FAM186A: variants seen among roughly 807,000 people sequenced by gnomAD.
FAM186A encodes the protein family with sequence similarity 186 member A.
In FAM186A, 163 loss-of-function variants were observed where a neutral mutation model predicts 216.8. The observed-to-expected ratio is 0.75, with a 90% CI of 0.66 to 0.86. The LOEUF (loss-of-function observed/expected upper bound fraction) is 0.86, where lower values mean the gene tolerates loss of function less well. Ranked by LOEUF, FAM186A falls within the 40% of genes least tolerant of loss-of-function variation. The pLI, the probability that FAM186A is intolerant of heterozygous loss-of-function variation, is 0.00. For synonymous variants in FAM186A, 805 were observed against 1,025.3 expected, an observed-to-expected ratio of 0.79 and a Z score of 4.10; for missense variants, 2,184 against 2,746.2, an observed-to-expected ratio of 0.80 and a Z score of 4.58.
chr12:50,366,100 T>C (rs760755825), intron 1 of FAM186A: 10 of 664,552 alleles, frequency 1.5e-5, no homozygotes, highest in Non-Finnish European at 2.4e-5. Context: ...AGTAATCTTA[T>C]ATACGAGCTT....
intron 7 of FAM186A, 95 bp from the exon 8 acceptor site, chr12:50,327,499 C>T (rs1212530032): frequency 1.2e-6 from 1 of 861,112 alleles, no homozygotes; most frequent in East Asian, 2.7e-5. Flanking sequence ...AAAGTGCCTC[C>T]AGAACTCAAA....
chr12:50,353,732 T>G lies in FAM186A; in HGVS notation c.3100A>C (p.Lys1034Gln). ...YEGKEFQRNL[K>Q]TLENLPDEKE... is the part of the protein sequence containing the mutation. ...TCATCAGGAAGGTTCTCTAATGTCT[T>G]CAGATTCCTCTGAAACTCTTTTCCT... Residue 1034 changes from lysine (K) to glutamine (Q), a missense_variant, in exon 4 of 8, where the codon AAG becomes CAG. Lys to Gln is a moderately conservative substitution (Grantham distance 53). Coordinates refer to ENST00000327337, the MANE Select transcript of FAM186A (RefSeq NM_001145475.3). 2 of 1,549,712 alleles carry G rather than the reference T, an allele frequency of 1.3e-6. No individual in the cohort carries two copies. The highest frequency in any genetic ancestry group is 2.7e-5 in the African/African-American group (2 of 72,910).
intron 4 of FAM186A, among the ~76,000 whole-genome samples, chr12:50,345,478 G>A (rs1373284892): frequency 2.6e-5 from 4 of 152,130 alleles, no homozygotes; most frequent in Admixed American, 6.6e-5. Flanking sequence ...TGTATAGTTT[G>A]AGGTCTTACA....
intron 1 of FAM186A, among the ~76,000 whole-genome samples, chr12:50,364,759 C>G (rs926865564): frequency 4.6e-5 from 7 of 150,736 alleles, no homozygotes; most frequent in African/African-American, 1.2e-4. Flanking sequence ...TTTTTTTGGC[C>G]AGGCATGGTG....
chr12:50,336,360 G>A (rs886449393), intron 4 of FAM186A, among the ~76,000 whole-genome samples: 1 of 152,052 alleles, frequency 6.6e-6, no homozygotes, highest in Non-Finnish European at 1.5e-5. Context: ...ATTGATAAAT[G>A]GTAGATTTGG....
At chr12:50,387,191 A>G (rs1239222141) in intron 1 of FAM186A, among the ~76,000 whole-genome samples, 1 of 152,194 alleles carries the variant, frequency 6.6e-6, no homozygotes, top group Non-Finnish European at 1.5e-5. Flanking sequence ...CTCAGACACC[A>G]GTCACAAATC....
chr12:50,371,396 C>A (rs578239439), intron 1 of FAM186A, among the ~76,000 whole-genome samples: 1 of 152,118 alleles, frequency 6.6e-6, no homozygotes, highest in South Asian at 2.1e-4. Context: ...GGATTACAGG[C>A]GTGAGCCACC....
chr12:50,327,540 C>CTTTTTTT (rs781530836), intron 7 of FAM186A, 136 bp from the exon 8 acceptor site: 1 of 419,438 alleles, frequency 2.4e-6, no homozygotes, highest in African/African-American at 2.3e-5. Flanking sequence ...GTATGTAATC[C>CTTTTTTT]TTTTTTTTTT....
At chr12:50,388,533 C>A (rs540390297) in intron 1 of FAM186A, among the ~76,000 whole-genome samples, 8 of 151,442 alleles carry the variant, frequency 5.3e-5, no homozygotes, top group African/African-American at 1.7e-4. Context: ...GCAGGAGAAT[C>A]GCTTGAACCT....
Position 50,356,690 on chromosome 12 carries a change from G to T in FAM186A, c.584-442C>A, listed in dbSNP as rs193248057. Among the ~76,000 whole-genome samples, 3 of 152,242 alleles carry T rather than the reference G, an allele frequency of 2.0e-5. No individual in the cohort carries two copies. In the East Asian group the frequency reaches 5.8e-4, roughly 29 times the overall value. ...AACTTAATTTTAGTTACAAGTTTGG[G>T]GTTAGATATAATGTATCTAAGACAA... On this transcript the variant is annotated intron_variant, in intron 3 of 7. Transcript: ENST00000327337.
chr12:50,337,668 C>T (rs59201717), intron 4 of FAM186A, among the ~76,000 whole-genome samples: 20 of 151,690 alleles, frequency 1.3e-4, no homozygotes, highest in South Asian at 4.2e-4. Flanking sequence ...GAGGCTGAGG[C>T]GGGCGGATCA....
intron 1 of FAM186A, among the ~76,000 whole-genome samples, chr12:50,380,876 G>C (rs1047002650): frequency 6.6e-6 from 1 of 152,208 alleles, no homozygotes; most frequent in East Asian, 1.9e-4. Flanking sequence ...CCAAGGGTGA[G>C]CCAGGCATGG....
At chr12:50,377,481 C>CTTAT (rs58320549) in intron 1 of FAM186A, among the ~76,000 whole-genome samples, 4 of 151,826 alleles carry the variant, frequency 2.6e-5, no homozygotes, top group Non-Finnish European at 4.4e-5. Context: ...GGAGAAAATA[C>CTTAT]GAACTTGGGT....
rs1229490934 is a variant in FAM186A at position 50,351,363 on chromosome 12, C to T, written c.5469G>A (p.Gly1823=). 1 of 1,479,548 alleles carries T rather than the reference C, an allele frequency of 6.8e-7. No individual in the cohort carries two copies. The highest frequency in any genetic ancestry group is 1.4e-5 in the African/African-American group (1 of 70,364). The allele number at this position is 1,479,548 out of a possible 1,614,324, so 91.7% of individuals were successfully genotyped here. ...GAGGGGCCCGAGATATTGGGAGCTG[C>T]CCAGGGGAGGGAGGGGCCTGTGGTG... is the stretch of plus-strand genomic sequence containing the variant. The part of the protein sequence containing the change: ...FPAPQAPPSP[G]QLPISRAPPT... The change falls in exon 4 of 8, where the codon GGG becomes GGA. Residue 1823 remains glycine (G), a synonymous_variant. Transcript: ENST00000327337.
chr12:50,358,269 A>C (rs1282355304), intron 3 of FAM186A, among the ~76,000 whole-genome samples: 1 of 152,164 alleles, frequency 6.6e-6, no homozygotes, highest in Non-Finnish European at 1.5e-5. Context: ...AATATTTGCA[A>C]ATCACTTTTC....
intron 1 of FAM186A, among the ~76,000 whole-genome samples, chr12:50,393,871 T>C (rs1943387106): frequency 6.6e-6 from 1 of 152,126 alleles, no homozygotes; most frequent in Non-Finnish European, 1.5e-5. Flanking sequence ...TTGCCAGAAG[T>C]TGGAACAGGA....
At chr12:50,369,424 G>A (rs1378803502) in intron 1 of FAM186A, among the ~76,000 whole-genome samples, 1 of 147,816 alleles carries the variant, frequency 6.8e-6, no homozygotes, top group East Asian at 2.0e-4. Context: ...CCGGGAGGCA[G>A]AGGTTGCAGT....
rs775590205 is a variant in FAM186A at position 50,354,734 on chromosome 12, C to A, written c.2098G>T (p.Glu700Ter). The change falls in exon 4 of 8, where the codon GAG (glutamate) becomes TAG (stop). Residue 700 changes from glutamate to a stop codon, truncating the protein, a stop_gained. Transcript: ENST00000327337. LOFTEE classifies it high-confidence loss of function. The part of the protein sequence containing the change: ...AFDKKTVPKE[E>*]ELLKRAEAEK... The stretch of plus-strand genomic sequence containing the variant: ...GCTTCTGCTCTTTTTAATAACTCCT[C>A]TTCCTTCGGAACAGTCTTTTTGTCA... The A allele has an allele frequency of 3.1e-5, 48 of 1,546,960 alleles. No individual in the cohort carries two copies. The highest frequency in any genetic ancestry group is 3.8e-5 in the Non-Finnish European group (44 of 1,146,238).
intron 1 of FAM186A, among the ~76,000 whole-genome samples, chr12:50,373,403 AC>A (rs1256017100): frequency 6.6e-6 from 1 of 152,232 alleles, no homozygotes; most frequent in Non-Finnish European, 1.5e-5. Flanking sequence ...TCTCAAAAAA[AC>A]AAAACAGAAA....
Sources: gnomAD v4.1 joint callset for allele counts (sites outside exome capture counted in the v4.1 genomes callset) on GRCh38, gnomAD v4.1.1 for gene constraint, MANE v1.5 for transcripts, NCBI Gene and HGNC (gene_info 2026-07-23, HGNC 2026-07-21) for gene names.